XKR4: variants seen among roughly 807,000 people sequenced by gnomAD.
XKR4 encodes the protein XK related 4.
In XKR4, 12 loss-of-function variants were observed where a neutral mutation model predicts 53.9. The observed-to-expected ratio is 0.22, with a 90% CI of 0.14 to 0.36. The LOEUF (loss-of-function observed/expected upper bound fraction) is 0.36, where lower values mean the gene tolerates loss of function less well. Among genes scored for constraint, XKR4 ranks in the 10% least tolerant of loss-of-function variants. The pLI, the probability that XKR4 is intolerant of heterozygous loss-of-function variation, is 1.00. For missense variants in XKR4, 799 were observed against 859.5 expected, an observed-to-expected ratio of 0.93 and a Z score of 0.88; for synonymous variants, 354 against 362.4, an observed-to-expected ratio of 0.98 and a Z score of 0.26.
chr8:55,213,664 G>A (rs913512602), intron 1 of XKR4, among the ~76,000 whole-genome samples: 1 of 152,054 alleles, frequency 6.6e-6, no homozygotes, highest in East Asian at 1.9e-4. Context: ...AAAATTAAAC[G>A]ATAAACTAAG....
Position 55,102,962 on chromosome 8 carries a change from G to C in XKR4, c.474G>C (p.Ser158=), listed in dbSNP as rs1034806658. The change falls in exon 1 of 3, where the codon TCG becomes TCC. Residue 158 remains serine, a synonymous_variant. Coordinates refer to ENST00000327381, the MANE Select transcript of XKR4 (RefSeq NM_052898.2). The surrounding 1 kb of genome is among the most constrained non-coding windows in gnomAD (Gnocchi z 5.1). ...TCTTCGTGGTGCTCGGCTCTCTGTC[G>C]GTGCAAGTGTTCAGCTTCCGCTGGT... ...TLFFVVLGSL[S]VQVFSFRWFV... The C allele has an allele frequency of 3.1e-6, 5 of 1,611,466 alleles. No individual in the cohort carries two copies. Among genetic ancestry groups the C allele is most frequent in the African/African-American group, 1.3e-5 (1 of 75,064 alleles).
rs1807050153 is a variant in XKR4 at position 55,537,809 on chromosome 8, G to T, written c.*13582G>T. 6.6e-6 allele frequency: 1 copy of T among 152,178 alleles called. No homozygotes were observed. Among genetic ancestry groups the T allele is most frequent in the African/African-American group, 2.4e-5 (1 of 41,422 alleles). 9.4% of individuals were successfully genotyped at this position (152,178 alleles called of 1,614,324 possible). A position where few individuals can be genotyped will look rare whatever the true frequency, so the allele number is the denominator to read the frequency against. ...CATCATCACTGTGAGTCCTATCGCA[G>T]ATGTGTGTACCAGCCCAATTCAGTT... On this transcript the variant is annotated 3_prime_UTR_variant, in exon 3 of 3. Coordinates refer to ENST00000327381, the MANE Select transcript of XKR4 (RefSeq NM_052898.2).
chr8:55,103,176 G>T lies in XKR4; in HGVS notation c.688G>T (p.Gly230Cys), dbSNP rs1816081303. 1 of 1,614,026 alleles carries T rather than the reference G, an allele frequency of 6.2e-7. No homozygotes were observed. The highest frequency in any genetic ancestry group is 8.5e-7 in the Non-Finnish European group (1 of 1,180,042). The change falls in exon 1 of 3, where the codon GGC becomes TGC. Residue 230 changes from glycine (G) to cysteine (C), a missense_variant. Transcript: ENST00000327381. ...GAGCAACATCGCCGCGGCCAACAGC[G>T]GCAGCAACAGCAGCGGGGCTACCCG... Reference protein sequence around the residue: ...SKSNIAAANSGSNSSGATRAS... With the variant: ...SKSNIAAANSCSNSSGATRAS...
intron 2 of XKR4, among the ~76,000 whole-genome samples, chr8:55,473,909 C>T (rs1411673474): frequency 6.8e-6 from 1 of 147,920 alleles, no homozygotes; most frequent in Admixed American, 6.8e-5. Context: ...CTCTCTCTGT[C>T]TTTCCTTCTT....
At chr8:55,508,027 C>G (rs934113694) in intron 2 of XKR4, among the ~76,000 whole-genome samples, 3 of 152,072 alleles carry the variant, frequency 2.0e-5, no homozygotes, top group Admixed American at 6.5e-5. Context: ...TTAGAAAGAG[C>G]CTTGAATGTG....
chr8:55,207,066 C>T (rs575539078), intron 1 of XKR4, among the ~76,000 whole-genome samples: 2 of 152,344 alleles, frequency 1.3e-5, no homozygotes, highest in Admixed American at 1.3e-4. Context: ...TTCACTCTCC[C>T]CAAATTCCCA....
rs67608017 is a variant in XKR4 at position 55,253,731 on chromosome 8, CTT to C, written c.807-103928_807-103927del. On this transcript the variant is annotated intron_variant, in intron 1 of 2. Coordinates refer to ENST00000327381, the MANE Select transcript of XKR4 (RefSeq NM_052898.2). ...CACAGATTATTTCATATTTTCTTTT[CTT>C]TTTTTTTTTTTTTTTTTTGAGACAG... Among the ~76,000 whole-genome samples the C allele has an allele frequency of 3.5e-3, 401 of 113,718 alleles. 1 individual carries two copies. The highest frequency in any genetic ancestry group is 0.011 in the African/African-American group (354 of 31,362). 74.6% of individuals were successfully genotyped at this position (113,718 alleles called of 152,430 possible). A position where few individuals can be genotyped will look rare whatever the true frequency, so the allele number is the denominator to read the frequency against.
At chr8:55,168,950 TCCA>T (rs1214903478) in intron 1 of XKR4, among the ~76,000 whole-genome samples, 2 of 152,148 alleles carry the variant, frequency 1.3e-5, no homozygotes, top group African/African-American at 2.4e-5. Flanking sequence ...CTATGAAAAA[TCCA>T]CTTCACATTT....
intron 2 of XKR4, chr8:55,454,136 T>C: frequency 2.3e-6 from 2 of 888,638 alleles, no homozygotes; most frequent in Admixed American, 1.7e-5. Context: ...GTCAACCAAC[T>C]CCAGCTCCGG....
At chr8:55,478,287 T>C (rs2129400880) in intron 2 of XKR4, among the ~76,000 whole-genome samples, 1 of 152,120 alleles carries the variant, frequency 6.6e-6, no homozygotes, top group East Asian at 1.9e-4. Flanking sequence ...GAATTTCATA[T>C]CCAGCCAAAC....
At chr8:55,290,254 G>C (rs1033271845) in intron 1 of XKR4, among the ~76,000 whole-genome samples, 1 of 150,796 alleles carries the variant, frequency 6.6e-6, no homozygotes, top group Non-Finnish European at 1.5e-5. Flanking sequence ...CTCAGCCTCC[G>C]GAGTAGCTGG....
intron 2 of XKR4, among the ~76,000 whole-genome samples, chr8:55,403,100 C>T (rs1359706108): frequency 6.6e-6 from 1 of 152,138 alleles, no homozygotes; most frequent in African/African-American, 2.4e-5. Flanking sequence ...CCATTCTGTC[C>T]CTGCAGAATC....
chr8:55,484,966 G>T (rs755379817), intron 2 of XKR4, among the ~76,000 whole-genome samples: 27 of 152,168 alleles, frequency 1.8e-4, no homozygotes, highest in Non-Finnish European at 3.7e-4. Flanking sequence ...ATGATTGTAT[G>T]AGCTGATTCC....
chr8:55,208,535 C>T (rs560589187), intron 1 of XKR4, among the ~76,000 whole-genome samples: 12 of 151,862 alleles, frequency 7.9e-5, no homozygotes, highest in African/African-American at 2.9e-4. Context: ...GGTGCGATCT[C>T]CGTTCACTGC....
At chr8:55,272,814 A>G (rs1393138586) in intron 1 of XKR4, 1 of 412,904 alleles carries the variant, frequency 2.4e-6, no homozygotes, top group African/African-American at 2.1e-5. Flanking sequence ...TCTGTCCTTT[A>G]AAGAAGAATT....
intron 1 of XKR4, among the ~76,000 whole-genome samples, chr8:55,270,503 C>G (rs944576886): frequency 3.9e-5 from 6 of 152,120 alleles, no homozygotes; most frequent in Non-Finnish European, 7.4e-5. Context: ...TGTTGTCTAT[C>G]TGATGATTCC....
chr8:55,276,038 C>G (rs576663359), intron 1 of XKR4, among the ~76,000 whole-genome samples: 2 of 152,162 alleles, frequency 1.3e-5, no homozygotes, highest in Non-Finnish European at 2.9e-5. Flanking sequence ...TTCTTAACAG[C>G]GCTTCAAATA....
rs1221321153 is a variant in XKR4 at position 55,537,700 on chromosome 8, C to A, written c.*13473C>A. 6.6e-6 allele frequency: 1 copy of A among 152,180 alleles called. No individual in the cohort carries two copies. The highest frequency in any genetic ancestry group is 1.5e-5 in the Non-Finnish European group (1 of 68,034). The allele number at this position is 152,180 out of a possible 1,614,324, so 9.4% of individuals were successfully genotyped here. A position where few individuals can be genotyped will look rare whatever the true frequency, so the allele number is the denominator to read the frequency against. On this transcript the variant is annotated 3_prime_UTR_variant, in exon 3 of 3. Transcript: ENST00000327381. ...AGGCAATAAAGTTACTTGTTGGGTC[C>A]TTCCTTCCCTTACAAACAGAATGTT...
intron 1 of XKR4, among the ~76,000 whole-genome samples, chr8:55,154,873 A>G (rs192648368): frequency 6.6e-6 from 1 of 152,352 alleles, no homozygotes; most frequent in East Asian, 1.9e-4. Context: ...ATTTGGGAGT[A>G]TGTATTGACT....
Sources: gnomAD v4.1 joint callset for allele counts (sites outside exome capture counted in the v4.1 genomes callset) on GRCh38, gnomAD v4.1.1 for gene constraint, Gnocchi (gnomAD v3.1) non-coding constraint, MANE v1.5 for transcripts, NCBI Gene and HGNC (gene_info 2026-07-23, HGNC 2026-07-21) for gene names.